The following CLCN3 variants were observed in gnomAD, a reference collection of about 807,000 sequenced individuals.
CLCN3 encodes the protein H(+)/Cl(-) exchange transporter 3.
CLCN3 carries 16 observed loss-of-function variants against 83.4 expected under a neutral mutation model. That is an observed-to-expected ratio of 0.19 (90% CI 0.13 to 0.29). The LOEUF (loss-of-function observed/expected upper bound fraction) is 0.29. Among genes scored for constraint, CLCN3 ranks in the 10% least tolerant of loss-of-function variants. The probability of loss-of-function intolerance (pLI) is 1.00; values close to 1 mark genes in which losing one functional copy is unlikely to be tolerated. For synonymous variants in CLCN3, 322 were observed against 346.2 expected (o/e 0.93, Z 0.78); for missense variants, 544 against 1,006.0 (o/e 0.54, Z 6.21).
intron 2 of CLCN3, among the ~76,000 whole-genome samples, chr4:169,661,278 TA>T (rs1731048277): frequency 6.6e-6 from 1 of 152,202 alleles, no homozygotes; most frequent in African/African-American, 2.4e-5. Flanking sequence ...AAAAATCTCT[TA>T]GCTTATGTGA....
intron 2 of CLCN3, among the ~76,000 whole-genome samples, chr4:169,663,928 G>C (rs1261816506): frequency 6.6e-6 from 1 of 152,198 alleles, no homozygotes; most frequent in Non-Finnish European, 1.5e-5. Flanking sequence ...GTGAACGATA[G>C]AAATGATAGA....
At chr4:169,712,760 C>T (rs184143668) in intron 11 of CLCN3, among the ~76,000 whole-genome samples, 2 of 152,086 alleles carry the variant, frequency 1.3e-5, no homozygotes, top group East Asian at 1.9e-4. Context: ...TTTAAAATCC[C>T]GTATTCCAAA....
chr4:169,690,404 C>T (rs1732321581), intron 5 of CLCN3, 126 bp from the exon 6 acceptor site: 1 of 943,482 alleles, frequency 1.1e-6, no homozygotes, highest in African/African-American at 1.7e-5. Flanking sequence ...CCTCAACCTC[C>T]CCAGTGCTGG....
intron 2 of CLCN3, among the ~76,000 whole-genome samples, chr4:169,637,258 A>T (rs1160782230): frequency 6.6e-6 from 1 of 151,028 alleles, no homozygotes; most frequent in African/African-American, 2.4e-5. Context: ...CATGTACGGT[A>T]TTGCAGTTAT....
Position 169,635,918 on chromosome 4 carries a change from C to A in CLCN3, c.-11C>A. ...CTACTTTTTCCCCCCCACAGATAAT[C>A]AGACAGCTAAATGGAGTCTGAGCAG... On this transcript the variant is annotated 5_prime_UTR_variant, in exon 2 of 13. Transcript: ENST00000513761. The A allele has an allele frequency of 6.5e-7, 1 of 1,538,334 alleles. No homozygotes were observed. The highest frequency in any genetic ancestry group is 8.8e-7 in the Non-Finnish European group (1 of 1,139,532).
chr4:169,696,946 A>G (rs1732587308), intron 8 of CLCN3, among the ~76,000 whole-genome samples: 1 of 152,096 alleles, frequency 6.6e-6, no homozygotes, highest in Non-Finnish European at 1.5e-5. Flanking sequence ...AAACAGCACT[A>G]GGTATTCTAT....
chr4:169,684,991 T>G (rs1732100214), intron 3 of CLCN3, among the ~76,000 whole-genome samples: 1 of 151,074 alleles, frequency 6.6e-6, no homozygotes, highest in Non-Finnish European at 1.5e-5. Flanking sequence ...TTTTTTTTTT[T>G]TTTTTTTAAG....
At chr4:169,691,307 A>G (rs1230934321) in intron 6 of CLCN3, among the ~76,000 whole-genome samples, 2 of 152,056 alleles carry the variant, frequency 1.3e-5, no homozygotes, top group Non-Finnish European at 2.9e-5. Flanking sequence ...GTGAGCCACC[A>G]CACGTGGCTA....
intron 2 of CLCN3, among the ~76,000 whole-genome samples, chr4:169,677,207 C>T (rs901373504): frequency 7.2e-5 from 11 of 152,004 alleles, no homozygotes; most frequent in Admixed American, 4.6e-4. Flanking sequence ...CTCTTTGTAT[C>T]TGCTACACTG....
chr4:169,626,644 T>A (rs1417571749), intron 1 of CLCN3, among the ~76,000 whole-genome samples: 1 of 152,154 alleles, frequency 6.6e-6, no homozygotes, highest in Non-Finnish European at 1.5e-5. Flanking sequence ...GAGAAGAGAT[T>A]CTGTTTTCTG....
At position 169,661,566 on chromosome 4, in the gene CLCN3, ATTAT is replaced by A. The variant is rs1229729721; in HGVS notation, c.161-18479_161-18476del. On this transcript the variant is annotated intron_variant, in intron 2 of 12. Coordinates refer to ENST00000513761, the MANE Select transcript of CLCN3 (RefSeq NM_001829.4). ...ATTTTAGGGTCTGAACAGTTGTAGC[ATTAT>A]TTATCTTGCAGTATTCTGTAGTTAG... Among the ~76,000 whole-genome samples the A allele has an allele frequency of 3.9e-5, 6 of 152,200 alleles. No homozygotes were observed. The East Asian group carries it at 1.2e-3, about 29-fold the overall frequency.
At position 169,697,399 on chromosome 4, in the gene CLCN3, G is replaced by A; in HGVS notation, c.1228G>A (p.Ala410Thr). The change falls in exon 9 of 13, where the codon GCA (alanine) becomes ACA (threonine). Residue 410 changes from alanine (A) to threonine (T), a missense_variant. By Grantham distance (58) the Ala-to-Thr change is moderately conservative (BLOSUM62 0). Around this residue, in one of 6 missense-constraint regions of CLCN3, gnomAD observed 194 missense variants for 341.4 expected, o/e 0.57. Transcript: ENST00000513761. Reference sequence around the variant, plus strand: ...GCTTTGGGGAGCCTTTTTCATTAGGGCAAATATTGCCTGGTGTCGTCGACG... The same window carrying A: ...GCTTTGGGGAGCCTTTTTCATTAGGACAAATATTGCCTGGTGTCGTCGACG... ...GGLWGAFFIR[A>T]NIAWCRRRKS... 1 of 1,613,996 alleles carries A rather than the reference G, an allele frequency of 6.2e-7. No individual in the cohort carries two copies. The highest frequency in any genetic ancestry group is 2.2e-5 in the East Asian group (1 of 44,876).
intron 1 of CLCN3, among the ~76,000 whole-genome samples, chr4:169,632,375 T>G (rs1773394568): frequency 1.3e-5 from 2 of 152,106 alleles, no homozygotes; most frequent in South Asian, 4.1e-4. Flanking sequence ...CACTAATGAT[T>G]AGCGAAATGG....
At chr4:169,671,993 C>T (rs1395488102) in intron 2 of CLCN3, among the ~76,000 whole-genome samples, 28 of 152,076 alleles carry the variant, frequency 1.8e-4, no homozygotes, top group South Asian at 6.2e-4. Flanking sequence ...GGGCAGATCA[C>T]GAGGTCAGGA....
At chr4:169,661,360 A>G (rs1445443610) in intron 2 of CLCN3, among the ~76,000 whole-genome samples, 1 of 152,092 alleles carries the variant, frequency 6.6e-6, no homozygotes, top group Non-Finnish European at 1.5e-5. Context: ...TTTAACCCAA[A>G]CTTTTATTTG....
At chr4:169,705,561 C>T (rs1169347345) in intron 10 of CLCN3, among the ~76,000 whole-genome samples, 1 of 152,118 alleles carries the variant, frequency 6.6e-6, no homozygotes, top group Non-Finnish European at 1.5e-5. Context: ...GCATGCAAAA[C>T]TGTTATAATA....
At chr4:169,678,700 A>G (rs990452285) in intron 2 of CLCN3, among the ~76,000 whole-genome samples, 4 of 152,206 alleles carry the variant, frequency 2.6e-5, no homozygotes, top group African/African-American at 7.2e-5. Context: ...CCCTGAGTTG[A>G]CATAGCACAT....
Position 169,720,232 on chromosome 4 carries a change from G to A in CLCN3, c.*235G>A, listed in dbSNP as rs556566725. ...GGAGTGAGGTATTTCCCGTCTAACA[G>A]AAAGCAGCGTATCAACTCCTATTGT... On this transcript the variant is annotated 3_prime_UTR_variant, in exon 13 of 13. Transcript: ENST00000513761. The A allele has an allele frequency of 3.3e-6, 2 of 609,254 alleles. No homozygotes were observed. Among genetic ancestry groups the A allele is most frequent in the East Asian group, 5.6e-5 (2 of 35,412 alleles). 37.7% of individuals were successfully genotyped at this position (609,254 alleles called of 1,614,324 possible).
intron 10 of CLCN3, among the ~76,000 whole-genome samples, chr4:169,706,439 A>G (rs1049045751): frequency 6.6e-6 from 1 of 152,176 alleles, no homozygotes; most frequent in African/African-American, 2.4e-5. Context: ...TATTATATTA[A>G]TATTCTACCC....
Sources: gnomAD v4.1 joint callset for allele counts (sites outside exome capture counted in the v4.1 genomes callset) on GRCh38, gnomAD v4.1.1 for gene constraint, gnomAD v4.1.1 regional missense constraint, MANE v1.5 for transcripts, NCBI Gene and HGNC (gene_info 2026-07-23, HGNC 2026-07-21) for gene names.